The following CNEP1R1 variants were observed in gnomAD, a reference collection of about 807,000 sequenced individuals.
The protein encoded by CNEP1R1 is CTD nuclear envelope phosphatase 1 regulatory subunit 1, also known as nuclear envelope phosphatase-regulatory subunit 1.
Under a neutral mutation model 22.7 loss-of-function variants are expected in CNEP1R1, and 10 were observed. The ratio of observed to expected loss-of-function variants is 0.44; its 90% CI spans 0.27 to 0.75. The LOEUF is 0.75. Ranked by LOEUF, CNEP1R1 falls within the 30% of genes least tolerant of loss-of-function variation. CNEP1R1 has a pLI of 0.17. For synonymous variants in CNEP1R1, 53 were observed against 50.1 expected (o/e 1.06, Z -0.25); for missense variants, 73 against 151.5 (o/e 0.48, Z 2.72).
In CNEP1R1 at chr16:50,029,803, A is replaced by G; in HGVS notation, c.171+5A>G. 1 of 1,573,590 alleles carries G rather than the reference A, an allele frequency of 6.4e-7. No individual in the cohort carries two copies. Among genetic ancestry groups the G allele is most frequent in the Non-Finnish European group, 8.7e-7 (1 of 1,144,462 alleles). On this transcript the variant is annotated splice_donor_5th_base_variant and intron_variant, in intron 3 of 5. Transcript: ENST00000427478. ...ATAGACCCTGAGACACAAAAGGTAG[A>G]AGTTTTGTTTTAAAATCATTAGCAT...
At chr16:50,026,336 C>G (rs2036182938) in intron 1 of CNEP1R1, 60 bp from the exon 2 acceptor site, 2 of 1,230,134 alleles carry the variant, frequency 1.6e-6, no homozygotes, top group Admixed American at 2.0e-5. Context: ...GGTAAATACT[C>G]TGACATTTCG....
intron 1 of CNEP1R1, chr16:50,025,572 T>A: frequency 7.0e-7 from 1 of 1,419,844 alleles, no homozygotes; most frequent in Non-Finnish European, 9.9e-7. Flanking sequence ...CCAGCTTCTA[T>A]TTTTATTTTC....
rs531999557 is a variant in CNEP1R1 at position 50,026,215 on chromosome 16, A to G, written c.26-181A>G. On this transcript the variant is annotated intron_variant, in intron 1 of 5. Transcript: ENST00000427478. ...ATTAAAGAGCCCTAATTTTTTGTCA[A>G]GTGCTTAAAAAGCTGTCATAGTAAA... 226 of 483,160 alleles carry G rather than the reference A, an allele frequency of 4.7e-4. 2 individuals carry two copies. The highest frequency in any genetic ancestry group is 4.1e-3 in the African/African-American group (214 of 51,916). 29.9% of individuals were successfully genotyped at this position (483,160 alleles called of 1,614,324 possible).
intron 5 of CNEP1R1, 101 bp from the exon 6 acceptor site, chr16:50,035,316 C>T (rs192904437): frequency 6.4e-5 from 43 of 667,166 alleles, no homozygotes; most frequent in African/African-American, 5.9e-4. Flanking sequence ...TATAGAGAAG[C>T]GTTCTTATTC....
chr16:50,030,035 G>A (rs2036218437), intron 3 of CNEP1R1, among the ~76,000 whole-genome samples: 1 of 152,074 alleles, frequency 6.6e-6, no homozygotes, highest in Admixed American at 6.6e-5. Flanking sequence ...ACATTTATTT[G>A]TTATTTGTCA....
rs1169506696 is a variant in CNEP1R1 at position 50,025,352 on chromosome 16, C to T, written c.25+12C>T. 5 of 1,431,680 alleles carry T rather than the reference C, an allele frequency of 3.5e-6. No homozygotes were observed. Among genetic ancestry groups the T allele is most frequent in the Non-Finnish European group, 1.8e-6 (2 of 1,096,716 alleles). 88.7% of individuals were successfully genotyped at this position (1,431,680 alleles called of 1,614,324 possible). ...GGAGCAGGCGGAAGGTAGGGTGGGC[C>T]GCCCGGGCCCGTCCCCCGTCTCCCC... On this transcript the variant is annotated intron_variant, in intron 1 of 5. Coordinates refer to ENST00000427478, the MANE Select transcript of CNEP1R1 (RefSeq NM_001281789.2).
At chr16:50,035,372 A>T in intron 5 of CNEP1R1, 45 bp from the exon 6 acceptor site, 1 of 1,117,482 alleles carries the variant, frequency 8.9e-7, no homozygotes, top group Non-Finnish European at 1.3e-6. Flanking sequence ...TGGTATTTTT[A>T]CTAGAACTGT....
intron 1 of CNEP1R1, chr16:50,025,653 C>T: frequency 1.2e-6 from 2 of 1,613,800 alleles, no homozygotes; most frequent in Non-Finnish European, 1.7e-6. Flanking sequence ...TCTCACAGCC[C>T]CGCGAGTTGT....
At chr16:50,034,209 T>G in intron 5 of CNEP1R1, 53 bp downstream of exon 5, 1 of 1,360,000 alleles carries the variant, frequency 7.4e-7, no homozygotes. Flanking sequence ...ACACTGAAAT[T>G]TTTGGCTTTA....
At chr16:50,029,893 T>A in intron 3 of CNEP1R1, 95 bp downstream of exon 3, 1 of 689,402 alleles carries the variant, frequency 1.5e-6, no homozygotes, top group Non-Finnish European at 2.5e-6. Flanking sequence ...CACTACCTAT[T>A]AACTACTACT....
At chr16:50,028,669 T>A (rs916011912) in intron 2 of CNEP1R1, among the ~76,000 whole-genome samples, 2 of 152,214 alleles carry the variant, frequency 1.3e-5, no homozygotes, top group Non-Finnish European at 2.9e-5. Context: ...TAGCACTTAC[T>A]TGGTTAATGA....
intron 3 of CNEP1R1, among the ~76,000 whole-genome samples, chr16:50,032,331 C>A (rs186127920): frequency 6.6e-6 from 1 of 152,358 alleles, no homozygotes; most frequent in East Asian, 1.9e-4. Context: ...ATCCTGGACC[C>A]TTGTCCCTCT....
Position 50,029,722 on chromosome 16 carries a change from C to T in CNEP1R1, c.98-3C>T. 6.3e-7 allele frequency: 1 copy of T among 1,592,088 alleles called. No homozygotes were observed. On this transcript the variant is annotated splice_polypyrimidine_tract_variant and splice_region_variant and intron_variant, in intron 2 of 5. Coordinates refer to ENST00000427478, the MANE Select transcript of CNEP1R1 (RefSeq NM_001281789.2). ...TACTAATTTCGTGTTTATCTTTCATCAGTGCTTCTTATAGTGGTATCTGTC... is the reference window on the plus strand; with the variant it reads ...TACTAATTTCGTGTTTATCTTTCATTAGTGCTTCTTATAGTGGTATCTGTC...
At chr16:50,025,764 C>T in intron 1 of CNEP1R1, 1 of 1,408,928 alleles carries the variant, frequency 7.1e-7, no homozygotes, top group Non-Finnish European at 1.0e-6. Flanking sequence ...GGATACCCCA[C>T]CACTCACTCG....
At chr16:50,032,509 A>T (rs2036239656) in intron 3 of CNEP1R1, among the ~76,000 whole-genome samples, 1 of 152,152 alleles carries the variant, frequency 6.6e-6, no homozygotes, top group Non-Finnish European at 1.5e-5. Flanking sequence ...TAGCTTCAAA[A>T]CCAAATTTGT....
chr16:50,025,563 C>T (rs2036173743), intron 1 of CNEP1R1: 1 of 1,353,292 alleles, frequency 7.4e-7, no homozygotes, highest in Non-Finnish European at 1.0e-6. Context: ...ACCTCCTCGC[C>T]AGCTTCTATT....
intron 2 of CNEP1R1, chr16:50,026,713 G>A (rs1390835455): frequency 2.4e-6 from 1 of 424,888 alleles, no homozygotes; most frequent in East Asian, 4.3e-5. Flanking sequence ...CGTAGCTCAC[G>A]CCTGTAATCC....
At chr16:50,032,416 C>T (rs2036238455) in intron 3 of CNEP1R1, among the ~76,000 whole-genome samples, 1 of 152,216 alleles carries the variant, frequency 6.6e-6, no homozygotes, top group Admixed American at 6.5e-5. Context: ...TCAGCCCTTT[C>T]TTTCTCCTTC....
chr16:50,026,882 A>T (rs1293029525), intron 2 of CNEP1R1: 1 of 158,832 alleles, frequency 6.3e-6, no homozygotes, highest in African/African-American at 2.4e-5. Context: ...CTGAGGTGGG[A>T]GAATCGCTTG....
Sources: allele counts gnomAD v4.1 joint callset (sites outside exome capture counted in the v4.1 genomes callset), GRCh38; gene constraint gnomAD v4.1.1; transcripts MANE v1.5; gene names NCBI Gene and HGNC (gene_info 2026-07-23, HGNC 2026-07-21).